Variants in LINGO2 observed in about 807,000 individuals in gnomAD.
The protein encoded by LINGO2 is leucine-rich repeat and immunoglobulin-like domain-containing nogo receptor-interacting protein 2.
In LINGO2, 14 loss-of-function variants were observed where a neutral mutation model predicts 30.6. The ratio of observed to expected loss-of-function variants is 0.46; its 90% CI spans 0.30 to 0.72. LINGO2 has a LOEUF of 0.72. Ranked by LOEUF, LINGO2 falls within the 30% of genes least tolerant of loss-of-function variation. LINGO2 has a pLI of 0.07. For synonymous variants in LINGO2, 317 were observed against 288.5 expected (o/e 1.10, Z -1.00); for missense variants, 729 against 751.7 (o/e 0.97, Z 0.35).
the LINGO2 span, among the ~76,000 whole-genome samples, chr9:28,959,470 G>C: frequency 6.6e-6 from 1 of 151,830 alleles, no homozygotes; most frequent in Admixed American, 6.6e-5. Context: ...ACAAAATAAG[G>C]ATGAGAAAAA....
intron 1 of LINGO2, among the ~76,000 whole-genome samples, chr9:28,504,559 C>G (rs1820025516): frequency 6.6e-6 from 1 of 151,734 alleles, no homozygotes; most frequent in Non-Finnish European, 1.5e-5. Flanking sequence ...TCTTTCATCT[C>G]TTTCGAATCT....
the LINGO2 span, among the ~76,000 whole-genome samples, chr9:29,192,978 G>C: frequency 2.0e-5 from 3 of 152,168 alleles, no homozygotes. Context: ...ATGCAACTTT[G>C]TGCCCAGGGA....
the LINGO2 span, among the ~76,000 whole-genome samples, chr9:28,927,532 G>A: frequency 6.6e-6 from 1 of 152,114 alleles, no homozygotes; most frequent in African/African-American, 2.4e-5. Flanking sequence ...AGAGATTTTG[G>A]TTCTCTAAAT....
intron 2 of LINGO2, among the ~76,000 whole-genome samples, chr9:28,449,652 G>T (rs928825467): frequency 6.6e-6 from 1 of 151,728 alleles, no homozygotes; most frequent in African/African-American, 2.4e-5. Flanking sequence ...ATTACCATAC[G>T]ACGAGTCTGG....
chr9:28,429,870 T>C (rs1407689381), intron 2 of LINGO2, among the ~76,000 whole-genome samples: 1 of 152,216 alleles, frequency 6.6e-6, no homozygotes, highest in Non-Finnish European at 1.5e-5. Flanking sequence ...AAACTGAAGA[T>C]AGCCTAGGTA....
chr9:29,010,030 C>G, the LINGO2 span, among the ~76,000 whole-genome samples: 1 of 152,086 alleles, frequency 6.6e-6, no homozygotes, highest in African/African-American at 2.4e-5. Flanking sequence ...AAAATCAATT[C>G]AAGATGGATT....
intron 2 of LINGO2, among the ~76,000 whole-genome samples, chr9:28,381,188 C>A (rs2134630050): frequency 6.6e-6 from 1 of 151,882 alleles, no homozygotes; most frequent in South Asian, 2.1e-4. Context: ...TGGAAGGTAA[C>A]TTCAGAACAG....
At chr9:29,146,470 C>T in the LINGO2 span, among the ~76,000 whole-genome samples, 1 of 152,070 alleles carries the variant, frequency 6.6e-6, no homozygotes, top group African/African-American at 2.4e-5. Context: ...TACTTTTGCA[C>T]CAACCTAATA....
At chr9:28,894,075 A>G in the LINGO2 span, among the ~76,000 whole-genome samples, 2 of 152,178 alleles carry the variant, frequency 1.3e-5, no homozygotes, top group Admixed American at 1.3e-4. Context: ...TACAAAGGAC[A>G]TGAACTCATC....
the LINGO2 span, among the ~76,000 whole-genome samples, chr9:29,105,739 C>G: frequency 9.9e-5 from 15 of 152,172 alleles, no homozygotes; most frequent in African/African-American, 3.4e-4. Context: ...CTTTCTCCTA[C>G]TATCCTGGAA....
At chr9:28,970,670 G>A in the LINGO2 span, among the ~76,000 whole-genome samples, 1 of 152,068 alleles carries the variant, frequency 6.6e-6, no homozygotes, top group Non-Finnish European at 1.5e-5. Flanking sequence ...TCCACCCACA[G>A]ACCGGAACAT....
At chr9:28,660,685 A>C (rs997457320) in intron 1 of LINGO2, among the ~76,000 whole-genome samples, 1 of 152,000 alleles carries the variant, frequency 6.6e-6, no homozygotes, top group Non-Finnish European at 1.5e-5. Context: ...GGATATGTTA[A>C]TTTTTTTTCC....
chr9:28,946,605 C>T, the LINGO2 span, among the ~76,000 whole-genome samples: 2 of 152,042 alleles, frequency 1.3e-5, no homozygotes, highest in Non-Finnish European at 2.9e-5. Context: ...AGGCTTTTTC[C>T]TATTAAAAAG....
At chr9:28,932,519 G>T in the LINGO2 span, among the ~76,000 whole-genome samples, 3 of 152,078 alleles carry the variant, frequency 2.0e-5, no homozygotes, top group South Asian at 4.1e-4. Context: ...TTAAGACAAC[G>T]TCTTACATAT....
intron 3 of LINGO2, among the ~76,000 whole-genome samples, chr9:28,318,495 A>G (rs994033468): frequency 2.0e-5 from 3 of 152,190 alleles, no homozygotes; most frequent in African/African-American, 7.2e-5. Flanking sequence ...TCAAGTTCAA[A>G]AAGGTTAAAT....
chr9:28,568,483 G>T (rs1282836478), intron 1 of LINGO2, among the ~76,000 whole-genome samples: 1 of 151,890 alleles, frequency 6.6e-6, no homozygotes, highest in African/African-American at 2.4e-5. Context: ...CTAAAAGAAA[G>T]AAACATTTTT....
At chr9:28,184,547 A>C (rs1043305360) in intron 4 of LINGO2, among the ~76,000 whole-genome samples, 1 of 151,148 alleles carries the variant, frequency 6.6e-6, no homozygotes, top group African/African-American at 2.4e-5. Flanking sequence ...GAGAGAGAAA[A>C]AGAAAGATGT....
intron 4 of LINGO2, among the ~76,000 whole-genome samples, chr9:28,063,602 A>G (rs996800755): frequency 6.6e-6 from 1 of 152,094 alleles, no homozygotes; most frequent in African/African-American, 2.4e-5. Flanking sequence ...TTCCCAAATC[A>G]TATAACTCAT....
At chr9:28,634,957 T>C (rs1403781368) in intron 1 of LINGO2, among the ~76,000 whole-genome samples, 1 of 152,120 alleles carries the variant, frequency 6.6e-6, no homozygotes, top group Non-Finnish European at 1.5e-5. Context: ...GAGATTCTAG[T>C]TGAAACATTA....
Sources: gnomAD v4.1 joint callset for allele counts (sites outside exome capture counted in the v4.1 genomes callset) on GRCh38, gnomAD v4.1.1 for gene constraint, MANE v1.5 for transcripts, NCBI Gene and HGNC (gene_info 2026-07-23, HGNC 2026-07-21) for gene names.